KANK2: variants seen among roughly 807,000 people sequenced by gnomAD.
The protein encoded by KANK2 is KN motif and ankyrin repeat domain-containing protein 2.
KANK2 carries 41 observed loss-of-function variants against 74.6 expected under a neutral mutation model. That is an observed-to-expected ratio of 0.55 (90% CI 0.43 to 0.71). The LOEUF (loss-of-function observed/expected upper bound fraction) is 0.71, where lower values mean the gene tolerates loss of function less well. Among genes scored for constraint, KANK2 ranks in the 30% least tolerant of loss-of-function variants. The pLI is 0.00. For synonymous variants in KANK2, 537 were observed against 519.0 expected, an observed-to-expected ratio of 1.03 and a Z score of -0.47; for missense variants, 1,148 against 1,196.4, an observed-to-expected ratio of 0.96 and a Z score of 0.60.
At chr19:11,166,795 T>A (rs541024222) in intron 12 of KANK2, among the ~76,000 whole-genome samples, 184 bp from the exon 13 acceptor site, 1 of 152,126 alleles carries the variant, frequency 6.6e-6, no homozygotes, top group Non-Finnish European at 1.5e-5. Context: ...TGGTTGAGGA[T>A]GTTCACCGGG....
chr19:11,174,588 C>T lies in KANK2; in HGVS notation c.1953G>A (p.Met651Ile). Reference protein sequence around the residue: ...VRRHLVTFRAMSARLLDYVVN... With the variant: ...VRRHLVTFRAISARLLDYVVN... ...CCACGTAGTCCAGCAGCCGCGCAGACATGGCCCGGAACGTGACCAGGTGCC... is the reference window on the plus strand; with the variant it reads ...CCACGTAGTCCAGCAGCCGCGCAGATATGGCCCGGAACGTGACCAGGTGCC... The change falls in exon 9 of 13, where the codon ATG becomes ATA. Residue 651 changes from methionine (M) to isoleucine (I), a missense_variant. By Grantham distance (10) the Met-to-Ile change is conservative. Transcript: ENST00000586659. 2 of 1,613,266 alleles carry T rather than the reference C, an allele frequency of 1.2e-6. No individual in the cohort carries two copies. Among genetic ancestry groups the T allele is most frequent in the Non-Finnish European group, 1.7e-6 (2 of 1,179,798 alleles).
chr19:11,172,399 C>T (rs867625), intron 10 of KANK2, among the ~76,000 whole-genome samples: 8 of 152,226 alleles, frequency 5.3e-5, no homozygotes, highest in Non-Finnish European at 1.0e-4. Flanking sequence ...TGTTCCTTTG[C>T]TGTCTTCAGA....
Position 11,166,718 on chromosome 19 carries a change from C to T in KANK2, c.2503-107G>A, listed in dbSNP as rs536302186. ...ATATGATGGGTAAGCAGGAGGGAGG[C>T]GTGGCCCCTGGCCCCAAGGAGGTGG... On this transcript the variant is annotated intron_variant, in intron 12 of 12. Coordinates refer to ENST00000586659, the MANE Select transcript of KANK2 (RefSeq NM_001136191.3). The T allele has an allele frequency of 1.6e-4, 170 of 1,056,306 alleles. 5 individuals carry two copies. In the South Asian group the frequency reaches 2.1e-3, roughly 13 times the overall value. 65.4% of individuals were successfully genotyped at this position (1,056,306 alleles called of 1,614,324 possible).
At position 11,174,735 on chromosome 19, in the gene KANK2, GCCCACTGGGACACCC is replaced by G. The variant is rs931300089; in HGVS notation, c.1849-58_1849-44del. On this transcript the variant is annotated intron_variant, in intron 8 of 12. Coordinates refer to ENST00000586659, the MANE Select transcript of KANK2 (RefSeq NM_001136191.3). Reference sequence around the variant, plus strand: ...GGGAGAGGATGTGAGGGCGGGGGAGGCCCACTGGGACACCCCCCACCCCAGATGCGCCCCCGGAGC... The same window carrying G: ...GGGAGAGGATGTGAGGGCGGGGGAGGCCCACCCCAGATGCGCCCCCGGAGC... 7 of 1,470,144 alleles carry G rather than the reference GCCCACTGGGACACCC, an allele frequency of 4.8e-6. No homozygotes were observed. The African/African-American group carries it at 9.8e-5, about 21-fold the overall frequency. The allele number at this position is 1,470,144 out of a possible 1,614,324, so 91.1% of individuals were successfully genotyped here. A position where few individuals can be genotyped will look rare whatever the true frequency, so the allele number is the denominator to read the frequency against.
intron 8 of KANK2, among the ~76,000 whole-genome samples, chr19:11,175,577 C>T (rs964273724): frequency 3.3e-5 from 5 of 152,046 alleles, no homozygotes; most frequent in East Asian, 1.9e-4. Flanking sequence ...TGAGCCACTG[C>T]GCCCAGCCCT....
At position 11,164,710 on chromosome 19, in the gene KANK2, T is replaced by TCATTCATCCATC. The variant is rs2077981628; in HGVS notation, c.*1847_*1848insGATGGATGAATG. On this transcript the variant is annotated 3_prime_UTR_variant, in exon 13 of 13. Coordinates refer to ENST00000586659, the MANE Select transcript of KANK2 (RefSeq NM_001136191.3). The stretch of plus-strand genomic sequence containing the variant: ...TTACATGCAAACACCATCTATCTAT[T>TCATTCATCCATC]CATCCATCCATCCATCCATCCATCC... 3.0e-5 allele frequency: 3 copies of TCATTCATCCATC among 99,884 alleles called. No homozygotes were observed. In the South Asian group the frequency reaches 8.5e-4, roughly 28 times the overall value. The allele number at this position is 99,884 out of a possible 1,614,324, so 6.2% of individuals were successfully genotyped here.
At chr19:11,175,211 G>A (rs956916361) in intron 8 of KANK2, among the ~76,000 whole-genome samples, 2 of 151,706 alleles carry the variant, frequency 1.3e-5, no homozygotes, top group African/African-American at 4.8e-5. Context: ...CGGATCACTT[G>A]AGGTCACGAG....
chr19:11,194,188 C>A (rs775774716), intron 3 of KANK2, 146 bp from the exon 4 acceptor site: 49 of 867,606 alleles, frequency 5.6e-5, no homozygotes, highest in Non-Finnish European at 8.5e-5. Flanking sequence ...TCAGACCCTC[C>A]AGAGCAGGGC....
Position 11,193,186 on chromosome 19 carries a change from C to A in KANK2, c.894G>T (p.Lys298Asn). 1 of 1,610,336 alleles carries A rather than the reference C, an allele frequency of 6.2e-7. No individual in the cohort carries two copies. The highest frequency in any genetic ancestry group is 8.5e-7 in the Non-Finnish European group (1 of 1,179,676). The change falls in exon 4 of 13, where the codon AAG becomes AAT. Residue 298 changes from lysine (K) to asparagine (N), a missense_variant. By Grantham distance (94) the Lys-to-Asn change is moderately conservative (BLOSUM62 0). Transcript: ENST00000586659. This position sits in a 1 kb window ranked among gnomAD's most constrained non-coding sequence, Gnocchi z 9.6. ...KVAVLETQLKKALQELQAAQA... is the reference protein window; with the variant it reads ...KVAVLETQLKNALQELQAAQA... ...GAGCTGCCTGCAGCTCCTGCAGCGC[C>A]TTCTTGAGCTGGGTCTCCAGCACAG...
intron 12 of KANK2, 178 bp downstream of exon 12, chr19:11,169,699 G>A (rs1017964526): frequency 4.4e-5 from 27 of 611,030 alleles, no homozygotes; most frequent in Non-Finnish European, 7.3e-5. Flanking sequence ...TACTCAGGAG[G>A]CTGAGGCAGC....
chr19:11,174,819 G>C (rs189691018), intron 8 of KANK2, 127 bp from the exon 9 acceptor site: 1 of 719,850 alleles, frequency 1.4e-6, no homozygotes, highest in African/African-American at 1.8e-5. Context: ...CAAGGGAAGT[G>C]CAGACCCTCC....
chr19:11,175,695 G>A (rs994954694), intron 8 of KANK2, among the ~76,000 whole-genome samples: 5 of 152,118 alleles, frequency 3.3e-5, no homozygotes. Context: ...CTTGGCCAGT[G>A]AGTGTTCATC....
At chr19:11,189,116 C>CCCT (rs2078764696) in intron 4 of KANK2, among the ~76,000 whole-genome samples, 1 of 147,484 alleles carries the variant, frequency 6.8e-6, no homozygotes, top group African/African-American at 2.6e-5. Flanking sequence ...CACCCCCGCC[C>CCCT]ACAAGATTGG....
At position 11,174,708 on chromosome 19, in the gene KANK2, G is replaced by A. The variant is rs372090052; in HGVS notation, c.1849-16C>T. 7.6e-6 allele frequency: 12 copies of A among 1,578,930 alleles called. 1 individual carries two copies. The African/African-American group carries it at 1.6e-4, about 21-fold the overall frequency. ...AGGCCACTTTCTGCATGCGAGTCAG[G>A]TGGGAGAGGATGTGAGGGCGGGGGA... On this transcript the variant is annotated splice_polypyrimidine_tract_variant and intron_variant, in intron 8 of 12. Coordinates refer to ENST00000586659, the MANE Select transcript of KANK2 (RefSeq NM_001136191.3).
chr19:11,176,646 C>T lies in KANK2; in HGVS notation c.1692G>A (p.Leu564=). The T allele has an allele frequency of 6.2e-7, 1 of 1,613,616 alleles. No homozygotes were observed. Among genetic ancestry groups the T allele is most frequent in the Non-Finnish European group, 8.5e-7 (1 of 1,179,848 alleles). The change falls in exon 7 of 13, where the codon CTG becomes CTA. Residue 564 remains leucine, a synonymous_variant. Transcript: ENST00000586659. ...AAKTSRQECQ[L]SRESQHIPTA... The stretch of plus-strand genomic sequence containing the variant: ...TGGGTATGTGCTGAGATTCTCGAGA[C>T]AGCTGACACTCCTGCCGGCTGGTCT...
chr19:11,178,992 T>C (rs1389700481), intron 4 of KANK2, among the ~76,000 whole-genome samples: 1 of 152,096 alleles, frequency 6.6e-6, no homozygotes, highest in Non-Finnish European at 1.5e-5. Context: ...TGTGGCCCCA[T>C]ATTCCTGGCT....
chr19:11,171,621 C>T (rs560112490), intron 10 of KANK2, among the ~76,000 whole-genome samples: 11 of 151,782 alleles, frequency 7.2e-5, no homozygotes, highest in African/African-American at 2.4e-4. Context: ...CAATTTATCC[C>T]GCTTTGTTCT....
chr19:11,186,959 G>A (rs911573984), intron 4 of KANK2, among the ~76,000 whole-genome samples: 1 of 151,874 alleles, frequency 6.6e-6, no homozygotes, highest in African/African-American at 2.4e-5. Flanking sequence ...TACTGTGAAG[G>A]GATTAGAGAA....
chr19:11,174,495 C>T lies in KANK2; in HGVS notation c.2046G>A (p.Val682=), dbSNP rs778713978. Residue 682 remains valine, a synonymous_variant, in exon 9 of 13, where the codon GTG becomes GTA. Coordinates refer to ENST00000586659, the MANE Select transcript of KANK2 (RefSeq NM_001136191.3). ...HYSVSHANFP[V]VQQLLDSGVC... ...CACCGCTGTCGAGCAGCTGCTGCAC[C>T]ACGGGGAAGTTGGCATGAGACACGG... 6.2e-6 allele frequency: 10 copies of T among 1,612,098 alleles called. No homozygotes were observed. In the Admixed American group the frequency reaches 6.7e-5, roughly 11 times the overall value.
Sources: gnomAD v4.1 joint callset for allele counts (sites outside exome capture counted in the v4.1 genomes callset) on GRCh38, gnomAD v4.1.1 for gene constraint, Gnocchi (gnomAD v3.1) non-coding constraint, MANE v1.5 for transcripts, NCBI Gene and HGNC (gene_info 2026-07-23, HGNC 2026-07-21) for gene names.